CPLX1: variants seen among roughly 807,000 people sequenced by gnomAD.
The protein encoded by CPLX1 is complexin-1.
CPLX1 carries 6 observed loss-of-function variants against 15.6 expected under a neutral mutation model. That is an observed-to-expected ratio of 0.39 (90% CI 0.21 to 0.76). The LOEUF is 0.76. CPLX1 is among the 30% of genes least tolerant of loss of function. CPLX1 has a pLI of 0.43. For synonymous variants in CPLX1, 91 were observed against 75.2 expected, an observed-to-expected ratio of 1.21 and a Z score of -1.08; for missense variants, 242 against 188.6, an observed-to-expected ratio of 1.28 and a Z score of -1.66.
chr4:819,996 C>T (rs1746831297), intron 2 of CPLX1, among the ~76,000 whole-genome samples: 3 of 152,230 alleles, frequency 2.0e-5, no homozygotes. Context: ...TCAAGCTCCT[C>T]TTCCTCTGAT....
chr4:825,910 AGGGGGGCCGGG>A (rs1746976441), intron 1 of CPLX1, 125 bp downstream of exon 1: 2 of 17,516 alleles, frequency 1.1e-4, no homozygotes, highest in Admixed American at 6.5e-4. Context: ...CGCGGGGAGA[AGGGGGGCCGGG>A]AAGGAGAAAC....
intron 2 of CPLX1, among the ~76,000 whole-genome samples, chr4:818,356 C>A (rs942210099): frequency 1.3e-5 from 2 of 152,366 alleles, no homozygotes; most frequent in South Asian, 4.1e-4. Flanking sequence ...GCCCCAGCCC[C>A]GCCACGGGCC....
intron 2 of CPLX1, among the ~76,000 whole-genome samples, chr4:803,637 G>A (rs1746501665): frequency 6.7e-6 from 1 of 149,810 alleles, no homozygotes; most frequent in Non-Finnish European, 1.5e-5. Context: ...TGCCCGCCTC[G>A]GCCTCTCAAA....
At chr4:786,989 C>A in intron 3 of CPLX1, 1 of 985,396 alleles carries the variant, frequency 1.0e-6, no homozygotes, top group Non-Finnish European at 1.2e-6. Flanking sequence ...ACCTCTGGCT[C>A]CAAACCCAGC....
rs560087275 is a variant in CPLX1 at position 787,902 on chromosome 4, T to A, written c.208-1204A>T. ...GTGGGGTTGGGCTGGCCTGGAAGGA[T>A]TGGGGGCCTGGTGTTGTACGGAGCT... On this transcript the variant is annotated intron_variant, in intron 3 of 3. Transcript: ENST00000304062. 130 of 985,322 alleles carry A rather than the reference T, an allele frequency of 1.3e-4. No homozygotes were observed. The African/African-American group carries it at 2.3e-3, about 17-fold the overall frequency. 61.0% of individuals were successfully genotyped at this position (985,322 alleles called of 1,614,324 possible).
chr4:813,942 CAAAG>C (rs934693784), intron 2 of CPLX1, among the ~76,000 whole-genome samples: 9 of 152,182 alleles, frequency 5.9e-5, no homozygotes, highest in African/African-American at 2.2e-4. Context: ...GTCTCTGACA[CAAAG>C]AAAGCTGCAA....
intron 2 of CPLX1, among the ~76,000 whole-genome samples, chr4:795,797 A>AGG (rs1746318278): frequency 1.2e-5 from 1 of 84,460 alleles, no homozygotes; most frequent in East Asian, 3.3e-4. Flanking sequence ...AACCGGGTGG[A>AGG]GAGGGGGTGG....
chr4:821,161 G>A (rs998385993), intron 2 of CPLX1, among the ~76,000 whole-genome samples: 2 of 152,178 alleles, frequency 1.3e-5, no homozygotes, highest in Admixed American at 6.5e-5. Context: ...CCAGGCTGTC[G>A]CCCCCCAGGT....
intron 3 of CPLX1, among the ~76,000 whole-genome samples, chr4:792,112 G>C (rs996592835): frequency 1.3e-5 from 2 of 151,934 alleles, no homozygotes; most frequent in African/African-American, 4.8e-5. Flanking sequence ...CCCCATGCCA[G>C]GTGGCCGCCC....
At chr4:800,166 G>A (rs1206127029) in intron 2 of CPLX1, among the ~76,000 whole-genome samples, 1 of 152,078 alleles carries the variant, frequency 6.6e-6, no homozygotes, top group East Asian at 1.9e-4. Flanking sequence ...CTTGGTGGGT[G>A]GGGAAAACCT....
chr4:791,347 C>T (rs918876354), intron 3 of CPLX1, among the ~76,000 whole-genome samples: 153 of 102,358 alleles, frequency 1.5e-3, no homozygotes, highest in African/African-American at 5.8e-3. Flanking sequence ...GGGTGCATGG[C>T]GGTGGGCGGG....
intron 3 of CPLX1, 74 bp downstream of exon 3, chr4:792,359 C>A (rs900008828): frequency 1.5e-6 from 2 of 1,367,022 alleles, no homozygotes; most frequent in East Asian, 2.7e-5. Context: ...GCAGCCCCTT[C>A]CACCCAGGCG....
Position 786,402 on chromosome 4 carries a change from C to A in CPLX1, c.*99G>T. On this transcript the variant is annotated 3_prime_UTR_variant, in exon 4 of 4. Coordinates refer to ENST00000304062, the MANE Select transcript of CPLX1 (RefSeq NM_006651.4). ...GCGGGCCTGGGGCTATGGCTTATAT[C>A]GGCGTGGGGGCTGCGCTCTGCTCGT... 8 of 1,343,998 alleles carry A rather than the reference C, an allele frequency of 6.0e-6. No homozygotes were observed. The South Asian group carries it at 1.1e-4, about 18-fold the overall frequency. 83.3% of individuals were successfully genotyped at this position (1,343,998 alleles called of 1,614,324 possible).
intron 3 of CPLX1, among the ~76,000 whole-genome samples, chr4:790,466 C>G (rs1420693510): frequency 6.6e-6 from 1 of 152,168 alleles, no homozygotes; most frequent in African/African-American, 2.4e-5. Context: ...GGGCCTCACT[C>G]TCCCTGGCAT....
intron 2 of CPLX1, among the ~76,000 whole-genome samples, chr4:808,373 C>G (rs1440230829): frequency 6.6e-6 from 1 of 152,124 alleles, no homozygotes; most frequent in Non-Finnish European, 1.5e-5. Flanking sequence ...CTGGATGTAT[C>G]GAGGCCTCAA....
rs747832797 is a variant in CPLX1 at position 792,601 on chromosome 4, G to T, written c.39C>A (p.Thr13=). Reference sequence around the variant, plus strand: ...CCCCCAGCATCTTCCCCATGTCCTTGGTGGCCCCTGGTACAGAAGTTGGTG... The same window carrying T: ...CCCCCAGCATCTTCCCCATGTCCTTTGTGGCCCCTGGTACAGAAGTTGGTG... ...FVMKQALGGA[T]KDMGKMLGGD... is the part of the protein sequence containing the mutation. Residue 13 remains threonine (T), a synonymous_variant, in exon 3 of 4, where the codon ACC becomes ACA. Transcript: ENST00000304062. The T allele has an allele frequency of 4.3e-6, 7 of 1,611,440 alleles. No individual in the cohort carries two copies. In the Admixed American group the frequency reaches 8.4e-5, roughly 19 times the overall value.
chr4:788,730 C>T (rs955353503), intron 3 of CPLX1, among the ~76,000 whole-genome samples: 1 of 151,670 alleles, frequency 6.6e-6, no homozygotes, highest in Non-Finnish European at 1.5e-5. Flanking sequence ...CTGGGGAGAG[C>T]GATGCCACTG....
intron 2 of CPLX1, 85 bp from the exon 3 acceptor site, chr4:792,693 G>A: frequency 1.4e-6 from 2 of 1,445,748 alleles, no homozygotes; most frequent in Non-Finnish European, 1.9e-6. Flanking sequence ...CCCACCTTCT[G>A]GCCGACCCCC....
chr4:808,867 G>C (rs549838541), intron 2 of CPLX1, among the ~76,000 whole-genome samples: 1 of 152,350 alleles, frequency 6.6e-6, no homozygotes, highest in East Asian at 1.9e-4. Context: ...AAACATTCAA[G>C]AAACAGATAA....
Sources: allele counts gnomAD v4.1 joint callset (sites outside exome capture counted in the v4.1 genomes callset), GRCh38; gene constraint gnomAD v4.1.1; transcripts MANE v1.5; gene names NCBI Gene and HGNC (gene_info 2026-07-23, HGNC 2026-07-21).